PARD3: variants seen among roughly 807,000 people sequenced by gnomAD.
PARD3 encodes par-3 family cell polarity regulator.
A neutral mutation model predicts 155.4 loss-of-function variants in PARD3; 75 were observed. The ratio of observed to expected loss-of-function variants is 0.48; its 90% CI spans 0.40 to 0.58. The LOEUF is 0.58. Ranked by LOEUF, PARD3 falls within the 20% of genes least tolerant of loss-of-function variation. The probability of loss-of-function intolerance (pLI) is 0.00; values close to 1 mark genes in which losing one functional copy is unlikely to be tolerated. For missense variants in PARD3, 1,642 were observed against 1,721.7 expected, an observed-to-expected ratio of 0.95 and a Z score of 0.82; for synonymous variants, 576 against 610.5, an observed-to-expected ratio of 0.94 and a Z score of 0.83.
At chr10:34,228,208 T>C (rs995084072) in intron 22 of PARD3, among the ~76,000 whole-genome samples, 4 of 151,820 alleles carry the variant, frequency 2.6e-5, no homozygotes, top group Non-Finnish European at 5.9e-5. Context: ...GAGCTAAACA[T>C]TGAGTACACA....
intron 5 of PARD3, 106 bp from the exon 6 acceptor site, chr10:34,402,023 G>C (rs1313174920): frequency 2.3e-6 from 2 of 879,482 alleles, no homozygotes; most frequent in African/African-American, 3.3e-5. Flanking sequence ...TATGATCTTG[G>C]TAACTGTTTC....
chr10:34,434,959 G>T (rs2076115634), intron 5 of PARD3, among the ~76,000 whole-genome samples: 1 of 152,006 alleles, frequency 6.6e-6, no homozygotes, highest in Non-Finnish European at 1.5e-5. Context: ...TTTTGATCAA[G>T]CATAAAATTA....
chr10:34,384,136 ATCT>A lies in PARD3; in HGVS notation c.1006_1008del (p.Arg336del), dbSNP rs1332580988. 6.2e-7 allele frequency: 1 copy of A among 1,613,636 alleles called. No individual in the cohort carries two copies. The highest frequency in any genetic ancestry group is 8.5e-7 in the Non-Finnish European group (1 of 1,179,952). On this transcript the variant is annotated inframe_deletion, in exon 8 of 25. Transcript: ENST00000374788. Reference sequence around the variant, plus strand: ...CAGCGAGCACACACTTACTGTTCAAATCTTCTATTTCGAAGGTCGCCATCATTA... The same window carrying A: ...CAGCGAGCACACACTTACTGTTCAAATCTATTTCGAAGGTCGCCATCATTA...
chr10:34,426,407 G>A (rs576162543), intron 5 of PARD3, among the ~76,000 whole-genome samples: 1 of 152,162 alleles, frequency 6.6e-6, no homozygotes, highest in Admixed American at 6.5e-5. Context: ...CATGTGCTTG[G>A]TGGCTTACTT....
At chr10:34,649,476 G>A (rs1469153079) in intron 2 of PARD3, among the ~76,000 whole-genome samples, 4 of 152,186 alleles carry the variant, frequency 2.6e-5, no homozygotes, top group African/African-American at 9.7e-5. Flanking sequence ...GGAACACAAT[G>A]GTAAGTATTT....
At chr10:34,439,432 T>C (rs2076351302) in intron 5 of PARD3, among the ~76,000 whole-genome samples, 1 of 152,086 alleles carries the variant, frequency 6.6e-6, no homozygotes, top group Admixed American at 6.6e-5. Context: ...CTTGTGAAGT[T>C]ATGTATTAAA....
chr10:34,188,913 T>A (rs1341320117), intron 22 of PARD3, among the ~76,000 whole-genome samples: 1 of 152,160 alleles, frequency 6.6e-6, no homozygotes, highest in East Asian at 1.9e-4. Flanking sequence ...TGCAACCTGG[T>A]ATGAGGGGCC....
intron 2 of PARD3, among the ~76,000 whole-genome samples, chr10:34,563,524 G>A (rs546290656): frequency 2.4e-5 from 3 of 127,232 alleles, no homozygotes; most frequent in African/African-American, 1.0e-4. Context: ...ACGCCACCAC[G>A]CCTGCTAATT....
chr10:34,803,103 G>A (rs946391321), intron 1 of PARD3, among the ~76,000 whole-genome samples: 1 of 151,096 alleles, frequency 6.6e-6, no homozygotes, highest in African/African-American at 2.4e-5. Flanking sequence ...GCTGGGCGTG[G>A]TGGTGCATGC....
intron 3 of PARD3, among the ~76,000 whole-genome samples, chr10:34,482,490 A>T (rs1243767896): frequency 6.6e-6 from 1 of 152,054 alleles, no homozygotes; most frequent in African/African-American, 2.4e-5. Context: ...TCAAAAAGGA[A>T]CAAATCCTCT....
In PARD3 at chr10:34,337,405, A is replaced by G; in HGVS notation, c.2430T>C (p.Asp810=). The G allele has an allele frequency of 6.3e-7, 1 of 1,596,096 alleles. No individual in the cohort carries two copies. The highest frequency in any genetic ancestry group is 8.5e-7 in the Non-Finnish European group (1 of 1,172,696). The change falls in exon 17 of 25, where the codon GAT becomes GAC. Residue 810 remains aspartate, a synonymous_variant. Transcript: ENST00000374788. The part of the protein sequence containing the change: ...SADCSLSPDV[D]PVLAFQREGF... ...CTTCTCGTTGAAAAGCAAGAACTGG[A>G]TCAACATCTGGACTCAAAGAGCTGG...
chr10:34,226,277 T>C (rs1418653072), intron 22 of PARD3, among the ~76,000 whole-genome samples: 2 of 152,212 alleles, frequency 1.3e-5, no homozygotes, highest in Non-Finnish European at 2.9e-5. Context: ...AGGCTGGGTG[T>C]TGTGGCTAAT....
intron 22 of PARD3, among the ~76,000 whole-genome samples, chr10:34,164,501 C>T (rs1211175251): frequency 6.6e-6 from 1 of 152,162 alleles, no homozygotes; most frequent in Non-Finnish European, 1.5e-5. Context: ...CTAAAGCTTT[C>T]AACTAAGAGT....
intron 2 of PARD3, among the ~76,000 whole-genome samples, chr10:34,569,664 G>A (rs1184867100): frequency 1.3e-5 from 2 of 151,970 alleles, no homozygotes; most frequent in African/African-American, 2.4e-5. Flanking sequence ...TGATCCGCCC[G>A]CCTCCGCCTG....
At chr10:34,153,276 T>C (rs1948861271) in intron 22 of PARD3, among the ~76,000 whole-genome samples, 1 of 152,102 alleles carries the variant, frequency 6.6e-6, no homozygotes. Context: ...CTTCTTAAAG[T>C]GCTGGAATTA....
intron 5 of PARD3, among the ~76,000 whole-genome samples, chr10:34,406,929 T>C (rs908621462): frequency 2.6e-5 from 4 of 152,076 alleles, no homozygotes; most frequent in Non-Finnish European, 4.4e-5. Context: ...TTGACTGAAA[T>C]TAGACTTTGG....
At chr10:34,617,203 C>T (rs943892854) in intron 2 of PARD3, among the ~76,000 whole-genome samples, 2 of 151,412 alleles carry the variant, frequency 1.3e-5, no homozygotes, top group Non-Finnish European at 2.9e-5. Flanking sequence ...TGCAGTGAGC[C>T]GAGATCACGC....
rs1844744275 is a variant in PARD3, at chr10:34,815,130, G to T, written c.-135C>A. The T allele has an allele frequency of 1.1e-5, 3 of 276,096 alleles. No homozygotes were observed. The highest frequency in any genetic ancestry group is 1.2e-4 in the South Asian group (1 of 8,056). The allele number at this position is 276,096 out of a possible 1,614,324, so 17.1% of individuals were successfully genotyped here. On this transcript the variant is annotated 5_prime_UTR_variant, in exon 1 of 25. Transcript: ENST00000374788. ...CGGGCGGCTAGGGGCGCGGGCAGGC[G>T]GCGGCGACGCCGGGGGGCCGCTCAG...
chr10:34,380,250 A>AGCATGTGCTTTTT (rs1300244074), intron 9 of PARD3, among the ~76,000 whole-genome samples: 1 of 152,164 alleles, frequency 6.6e-6, no homozygotes, highest in African/African-American at 2.4e-5. Context: ...ATGCACAAGC[A>AGCATGTGCTTTTT]GCATGTGCTT....
Sources: gnomAD v4.1 joint callset for allele counts (sites outside exome capture counted in the v4.1 genomes callset) on GRCh38, gnomAD v4.1.1 for gene constraint, MANE v1.5 for transcripts, NCBI Gene and HGNC (gene_info 2026-07-23, HGNC 2026-07-21) for gene names.